NAV1: variants seen among roughly 807,000 people sequenced by gnomAD.
NAV1 encodes pore membrane and/or filament interacting like protein 3.
A neutral mutation model predicts 175.2 loss-of-function variants in NAV1; 18 were observed. That is an observed-to-expected ratio of 0.10 (90% CI 0.07 to 0.15). The LOEUF is 0.15. NAV1 is among the 10% of genes least tolerant of loss of function. The pLI is 1.00. For synonymous variants in NAV1, 897 were observed against 978.7 expected (o/e 0.92, Z 1.56); for missense variants, 1,731 against 2,436.6 (o/e 0.71, Z 6.10).
chr1:201,683,318 A>G (rs1670538518), intron 1 of NAV1, among the ~76,000 whole-genome samples: 1 of 152,156 alleles, frequency 6.6e-6, no homozygotes, highest in African/African-American at 2.4e-5. Context: ...AAGGGTCTAT[A>G]CCGGCGATCC....
At chr1:201,719,228 T>C (rs1414842765) in intron 3 of NAV1, among the ~76,000 whole-genome samples, 1 of 151,594 alleles carries the variant, frequency 6.6e-6, no homozygotes, top group Non-Finnish European at 1.5e-5. Flanking sequence ...TGAGAGCTTG[T>C]GGGTGAAATC....
intron 1 of NAV1, among the ~76,000 whole-genome samples, chr1:201,629,008 A>G (rs142171073): frequency 3.8e-4 from 58 of 152,314 alleles, no homozygotes; most frequent in African/African-American, 1.3e-3. Flanking sequence ...TTCCCTGTGT[A>G]TATGTACATG....
At chr1:201,698,192 C>T (rs1047191822) in intron 1 of NAV1, among the ~76,000 whole-genome samples, 1 of 152,190 alleles carries the variant, frequency 6.6e-6, no homozygotes, top group African/African-American at 2.4e-5. Flanking sequence ...TCATTCTTTC[C>T]CTTCCTTTGG....
intron 1 of NAV1, among the ~76,000 whole-genome samples, chr1:201,581,965 G>A (rs917378158): frequency 4.6e-5 from 7 of 152,272 alleles, no homozygotes; most frequent in East Asian, 3.9e-4. Flanking sequence ...GGATGGTGGC[G>A]GGCGCCTGTA....
rs1455616338 is a variant in NAV1 at position 201,575,127 on chromosome 1, CT to C, written c.-143-13408del. On this transcript the variant is annotated intron_variant, in intron 1 of 33. Transcript: ENST00000685211. ...AGTGGAATGGCTGAAAGTGACTTAA[CT>C]TTTCTTTGTTCTGATGTGTTTCTAA... is the stretch of plus-strand genomic sequence containing the variant. Among the ~76,000 whole-genome samples, 5 of 152,336 alleles carry C rather than the reference CT, an allele frequency of 3.3e-5. No individual in the cohort carries two copies. The East Asian group carries it at 9.6e-4, about 29-fold the overall frequency.
intron 15 of NAV1, among the ~76,000 whole-genome samples, chr1:201,799,430 C>G (rs984150707): frequency 2.6e-5 from 4 of 152,126 alleles, no homozygotes; most frequent in Non-Finnish European, 5.9e-5. Context: ...GCAATAATGC[C>G]TATCTTTATT....
chr1:201,663,015 A>G (rs1669673353), intron 1 of NAV1, among the ~76,000 whole-genome samples: 1 of 142,788 alleles, frequency 7.0e-6, no homozygotes, highest in South Asian at 2.2e-4. Flanking sequence ...CTGTTTTTCT[A>G]CACATCTGAT....
intron 15 of NAV1, 62 bp downstream of exon 19, chr1:201,794,639 T>C (rs768494862): frequency 2.1e-6 from 3 of 1,421,066 alleles, no homozygotes; most frequent in Admixed American, 3.4e-5. Flanking sequence ...GTATTACAGA[T>C]TTTTATCTGG....
intron 1 of NAV1, among the ~76,000 whole-genome samples, chr1:201,568,616 C>T (rs1009922913): frequency 6.6e-6 from 1 of 152,160 alleles, no homozygotes; most frequent in Non-Finnish European, 1.5e-5. Flanking sequence ...TGTTTTACCT[C>T]CTTGGGCCTC....
chr1:201,794,619 GA>G, intron 15 of NAV1, 42 bp downstream of exon 19: 1 of 1,533,556 alleles, frequency 6.5e-7, no homozygotes, highest in Non-Finnish European at 9.0e-7. Context: ...CAGGGAGCAG[GA>G]AAGTAAGAGT....
chr1:201,795,312 TCCATG>T (rs1431711859), intron 15 of NAV1: 1 of 152,232 alleles, frequency 6.6e-6, no homozygotes, highest in Non-Finnish European at 1.5e-5. Context: ...TTTTCCCCAC[TCCATG>T]CGTTTATATT....
At chr1:201,818,981 A>G (rs905590765) in intron 29 of NAV1, among the ~76,000 whole-genome samples, 3 of 152,246 alleles carry the variant, frequency 2.0e-5, no homozygotes, top group Non-Finnish European at 4.4e-5. Context: ...AGGCTTACTT[A>G]GCTGAAATGG....
At chr1:201,650,497 G>A (rs938890518) in intron 1 of NAV1, among the ~76,000 whole-genome samples, 1 of 152,218 alleles carries the variant, frequency 6.6e-6, no homozygotes, top group African/African-American at 2.4e-5. Flanking sequence ...AGGGACCCGA[G>A]CTTCCTGGGT....
At chr1:201,593,728 A>C (rs879622645) in intron 2 of NAV1, among the ~76,000 whole-genome samples, 1 of 152,178 alleles carries the variant, frequency 6.6e-6, no homozygotes, top group Non-Finnish European at 1.5e-5. Flanking sequence ...GTCTGAGTAC[A>C]TATTCTTTTT....
At chr1:201,593,321 A>G (rs1667258657) in intron 2 of NAV1, among the ~76,000 whole-genome samples, 1 of 151,724 alleles carries the variant, frequency 6.6e-6, no homozygotes. Context: ...GCCTCAATCC[A>G]CTCCTGGCCA....
In NAV1 at chr1:201,539,185, C is replaced by G. The variant is rs2102438141; in HGVS notation, c.-301C>G. ...CGGGGCCCGAGGCTGGAGTGCGCGG[C>G]GGACGCCAAGCCTGGTGCGAGGGGC... On this transcript the variant is annotated 5_prime_UTR_variant, in exon 1 of 34. Transcript: ENST00000685211. This position sits in a 1 kb window ranked among gnomAD's most constrained non-coding sequence, Gnocchi z 5.6. 6.6e-6 allele frequency among the ~76,000 whole-genome samples: 1 copy of G among 152,294 alleles called. No individual in the cohort carries two copies. Among genetic ancestry groups the G allele is most frequent in the South Asian group, 2.1e-4 (1 of 4,834 alleles).
chr1:201,643,235 TTTC>T (rs1668863537), intron 2 of NAV1, among the ~76,000 whole-genome samples: 1 of 145,922 alleles, frequency 6.9e-6, no homozygotes, highest in African/African-American at 2.7e-5. Flanking sequence ...CTTTTCTTTC[TTTC>T]TTTCCTTCCT....
At chr1:201,768,333 GAAAAAAAA>G (rs57027212) in intron 3 of NAV1, among the ~76,000 whole-genome samples, 1 of 105,674 alleles carries the variant, frequency 9.5e-6, no homozygotes, top group African/African-American at 4.0e-5. Flanking sequence ...CCGTCTCAGA[GAAAAAAAA>G]AAAAAAAAGA....
At chr1:201,719,938 A>G (rs1672305660) in intron 3 of NAV1, among the ~76,000 whole-genome samples, 1 of 152,216 alleles carries the variant, frequency 6.6e-6, no homozygotes, top group Admixed American at 6.5e-5. Flanking sequence ...CCTGCAGAGA[A>G]CTTGGAGGGA....
Sources: allele counts gnomAD v4.1 joint callset (sites outside exome capture counted in the v4.1 genomes callset), GRCh38; gene constraint gnomAD v4.1.1; non-coding constraint Gnocchi (gnomAD v3.1); transcripts MANE v1.5; gene names NCBI Gene and HGNC (gene_info 2026-07-23, HGNC 2026-07-21).